The following TAB1 variants were observed in gnomAD, a reference collection of about 807,000 sequenced individuals.
TAB1 encodes TGF-beta-activated kinase 1 and MAP3K7-binding protein 1.
In TAB1, 30 loss-of-function variants were observed where a neutral mutation model predicts 54.5. That is an observed-to-expected ratio of 0.55 (90% CI 0.41 to 0.75). The LOEUF is 0.75. Among genes scored for constraint, TAB1 ranks in the 30% least tolerant of loss-of-function variants. The probability of loss-of-function intolerance (pLI) is 0.00; values close to 1 mark genes in which losing one functional copy is unlikely to be tolerated. For missense variants in TAB1, 609 were observed against 683.2 expected (o/e 0.89, Z 1.21); for synonymous variants, 289 against 286.9 (o/e 1.01, Z -0.07).
rs763821895 is a variant in TAB1 at position 39,426,704 on chromosome 22, A to C, written c.923A>C (p.Glu308Ala). The part of the protein sequence containing the change: ...AAHGPGQANQ[E>A]IAAMIDTEFA... ...GGTTCTTCCTACCCCCTCCCCCAGG[A>C]GATTGCTGCGATGATTGACACTGAG... Residue 308 changes from glutamate to alanine, a missense_variant and splice_region_variant, in exon 9 of 11, where the codon GAG becomes GCG. Transcript: ENST00000216160. The C allele has an allele frequency of 2.5e-6, 4 of 1,597,308 alleles. No individual in the cohort carries two copies. The South Asian group carries it at 4.4e-5, about 18-fold the overall frequency.
chr22:39,402,394 T>C (rs992421222), intron 1 of TAB1, among the ~76,000 whole-genome samples: 1 of 152,174 alleles, frequency 6.6e-6, no homozygotes, highest in East Asian at 1.9e-4. Context: ...TACAAGTCTA[T>C]GTGTTGAGGG....
chr22:39,421,797 A>G (rs769744562), intron 7 of TAB1, 30 bp from the exon 8 acceptor site: 2 of 1,613,452 alleles, frequency 1.2e-6, no homozygotes, highest in Admixed American at 3.3e-5. Flanking sequence ...TGTTCCAAGC[A>G]AAGCTCTTCC....
At chr22:39,401,034 C>CAAAAAAAAAAAAAA (rs566248298) in intron 1 of TAB1, among the ~76,000 whole-genome samples, 1 of 45,714 alleles carries the variant, frequency 2.2e-5, no homozygotes. Context: ...GACTGTGTCT[C>CAAAAAAAAAAAAAA]AAAAAAAAAA....
At chr22:39,404,191 G>C (rs1330055831) in intron 1 of TAB1, among the ~76,000 whole-genome samples, 1 of 152,238 alleles carries the variant, frequency 6.6e-6, no homozygotes, top group Non-Finnish European at 1.5e-5. Flanking sequence ...TTAAACAACA[G>C]TGGTGCCATT....
chr22:39,413,882 G>T (rs998443859), intron 1 of TAB1, among the ~76,000 whole-genome samples: 3 of 152,172 alleles, frequency 2.0e-5, no homozygotes, highest in African/African-American at 7.2e-5. Flanking sequence ...GAGAGGCAGG[G>T]AATTGCACCT....
rs576162851 is a variant in TAB1, at chr22:39,415,321, A to T, written c.170+179A>T. Among the ~76,000 whole-genome samples the T allele has an allele frequency of 5.3e-5, 8 of 152,222 alleles. No homozygotes were observed. Among genetic ancestry groups the T allele is most frequent in the Non-Finnish European group, 1.2e-4 (8 of 68,004 alleles). ...CTGATGGGGTAGCGTGAGCATGGGGAGGAGGGTATCCCAGAATGTCATAGC... is the reference window on the plus strand; with the variant it reads ...CTGATGGGGTAGCGTGAGCATGGGGTGGAGGGTATCCCAGAATGTCATAGC... On this transcript the variant is annotated intron_variant, in intron 2 of 10. Transcript: ENST00000216160. The surrounding 1 kb of genome is among the most constrained non-coding windows in gnomAD (Gnocchi z 4.9).
At chr22:39,421,456 A>G (rs1601695317) in intron 7 of TAB1, among the ~76,000 whole-genome samples, 1 of 152,252 alleles carries the variant, frequency 6.6e-6, no homozygotes, top group East Asian at 1.9e-4. Context: ...CTGTTTTGGA[A>G]AAGCCCAAAT....
At chr22:39,433,940 G>A, downstream of TAB1, 1 of 536,228 alleles carries the variant, frequency 1.9e-6, no homozygotes, top group Non-Finnish European at 2.4e-6. Context: ...CTCTCAGCCT[G>A]TATCCGTGTC....
chr22:39,401,142 C>G (rs1278370792), intron 1 of TAB1, among the ~76,000 whole-genome samples: 2 of 151,828 alleles, frequency 1.3e-5, no homozygotes, highest in Admixed American at 1.3e-4. Context: ...GCTGGGCACT[C>G]AATAAATACA....
intron 10 of TAB1, chr22:39,429,449 CTAT>C: frequency 9.3e-6 from 7 of 752,670 alleles, no homozygotes; most frequent in Non-Finnish European, 1.1e-5. Flanking sequence ...CCACTTGTGG[CTAT>C]TAGACGCTTG....
chr22:39,411,037 A>G (rs1233154759), intron 1 of TAB1, among the ~76,000 whole-genome samples: 1 of 152,136 alleles, frequency 6.6e-6, no homozygotes, highest in African/African-American at 2.4e-5. Context: ...CTAGAAGTAG[A>G]CCCACACAAT....
At chr22:39,414,648 T>G (rs1926745370) in intron 1 of TAB1, 1 of 257,666 alleles carries the variant, frequency 3.9e-6, no homozygotes, top group Non-Finnish European at 7.7e-6. Flanking sequence ...AGTGTGCATT[T>G]GGAGCCAGTG....
At chr22:39,423,407 C>G (rs1455065040) in intron 8 of TAB1, among the ~76,000 whole-genome samples, 3 of 152,204 alleles carry the variant, frequency 2.0e-5, no homozygotes, top group African/African-American at 7.2e-5. Flanking sequence ...GAGTTCGAGA[C>G]CAGCCTGGCC....
At chr22:39,410,028 T>A (rs1926543014) in intron 1 of TAB1, among the ~76,000 whole-genome samples, 1 of 152,208 alleles carries the variant, frequency 6.6e-6, no homozygotes, top group African/African-American at 2.4e-5. Flanking sequence ...CCCATTTATG[T>A]TAAGAGAGGC....
intron 10 of TAB1, 44 bp from the exon 11 acceptor site, chr22:39,429,971 G>T: frequency 1.9e-6 from 3 of 1,607,428 alleles, no homozygotes; most frequent in South Asian, 1.1e-5. Flanking sequence ...CAGGCCCCTT[G>T]ACCCGGCTGC....
chr22:39,415,244 A>G lies in TAB1; in HGVS notation c.170+102A>G. 1.4e-6 allele frequency: 2 copies of G among 1,417,600 alleles called. No individual in the cohort carries two copies. The highest frequency in any genetic ancestry group is 1.9e-6 in the Non-Finnish European group (2 of 1,051,834). The allele number at this position is 1,417,600 out of a possible 1,614,324, so 87.8% of individuals were successfully genotyped here. On this transcript the variant is annotated intron_variant, in intron 2 of 10. Transcript: ENST00000216160. This position sits in a 1 kb window ranked among gnomAD's most constrained non-coding sequence, Gnocchi z 4.9. The stretch of plus-strand genomic sequence containing the variant: ...GCTTTCTCGTATGGGCTTGCCAGTG[A>G]CATGTGGCCCGTGAGAGGTGGCCTC...
downstream of TAB1, chr22:39,432,995 C>G (rs1927644931): frequency 2.0e-6 from 2 of 985,420 alleles, no homozygotes; most frequent in South Asian, 9.4e-5. Flanking sequence ...TGGTGGGTCA[C>G]TGCCACCGTC....
At chr22:39,419,270 G>A (rs917979645) in intron 6 of TAB1, among the ~76,000 whole-genome samples, 10 of 152,204 alleles carry the variant, frequency 6.6e-5, no homozygotes, top group African/African-American at 2.4e-4. Context: ...CAGGGAGACG[G>A]CAGGCAAGCT....
At chr22:39,410,931 A>G (rs1474498540) in intron 1 of TAB1, among the ~76,000 whole-genome samples, 3 of 152,264 alleles carry the variant, frequency 2.0e-5, no homozygotes, top group Non-Finnish European at 4.4e-5. Flanking sequence ...GGAGACTCAC[A>G]CTAGCCAATT....
Sources: allele counts gnomAD v4.1 joint callset (sites outside exome capture counted in the v4.1 genomes callset), GRCh38; gene constraint gnomAD v4.1.1; non-coding constraint Gnocchi (gnomAD v3.1); transcripts MANE v1.5; gene names NCBI Gene and HGNC (gene_info 2026-07-23, HGNC 2026-07-21).